Variants in CCDC3 observed in about 807,000 individuals in gnomAD.
CCDC3 encodes coiled-coil domain containing 3, also known as coiled-coil domain-containing protein 3.
Under a neutral mutation model 21.4 loss-of-function variants are expected in CCDC3, and 24 were observed. That is an observed-to-expected ratio of 1.12 (90% CI 0.81 to 1.58). CCDC3 has a LOEUF of 1.58. Ranked by LOEUF, CCDC3 falls within the 40% of genes most tolerant of loss-of-function variation. The pLI is 0.00. For synonymous variants in CCDC3, 186 were observed against 166.0 expected, an observed-to-expected ratio of 1.12 and a Z score of -0.93; for missense variants, 425 against 360.9, an observed-to-expected ratio of 1.18 and a Z score of -1.44.
chr10:12,918,966 A>G (rs901520998), intron 2 of CCDC3, among the ~76,000 whole-genome samples: 2 of 151,638 alleles, frequency 1.3e-5, no homozygotes, highest in Non-Finnish European at 2.9e-5. Context: ...GAGGCAGGAG[A>G]ATGGGCGTGA....
In CCDC3 at chr10:13,050,964, T is replaced by A. The variant is rs112412413; in HGVS notation, c.-269-1023A>T. ...ACCACACCCGGCTAATTTAAAAAAA[T>A]TTTTTTTGTAGAGACCAGGTCTCAC... is the stretch of plus-strand genomic sequence containing the variant. On this transcript the variant is annotated intron_variant, in intron 4 of 6. Transcript: ENST00000378839. Among the ~76,000 whole-genome samples, 913 of 151,810 alleles carry A rather than the reference T, an allele frequency of 6.0e-3. 7 individuals are homozygous for A. The highest frequency in any genetic ancestry group is 0.014 in the African/African-American group (595 of 41,402).
intron 4 of CCDC3, among the ~76,000 whole-genome samples, chr10:13,052,712 G>A (rs7076380): frequency 0.3 from 45,887 of 151,924 alleles, 7,012 homozygotes; most frequent in Middle Eastern, 0.42. Context: ...GGCTGAGGCA[G>A]GCGGATCACT....
chr10:13,007,814 C>A (rs1242100158), intron 5 of CCDC3, among the ~76,000 whole-genome samples: 1 of 152,050 alleles, frequency 6.6e-6, no homozygotes, highest in Non-Finnish European at 1.5e-5. Context: ...TGAGTGAGTT[C>A]TTCTTCTTTC....
At chr10:12,934,055 T>C (rs779340864) in intron 2 of CCDC3, among the ~76,000 whole-genome samples, 7 of 152,228 alleles carry the variant, frequency 4.6e-5, no homozygotes, top group Non-Finnish European at 8.8e-5. Context: ...ATCTTTCTTC[T>C]TTCCTAATAT....
chr10:12,997,723 C>T (rs1355914851), intron 2 of CCDC3, among the ~76,000 whole-genome samples: 3 of 152,190 alleles, frequency 2.0e-5, no homozygotes, highest in Non-Finnish European at 4.4e-5. Context: ...GTCGTAACGG[C>T]TCACATGTAT....
intron 5 of CCDC3, among the ~76,000 whole-genome samples, chr10:13,043,885 T>C (rs908733185): frequency 1.1e-4 from 17 of 152,340 alleles, no homozygotes; most frequent in South Asian, 2.1e-4. Context: ...AATGGGATTG[T>C]TGGGTTGAAT....
intron 2 of CCDC3, among the ~76,000 whole-genome samples, chr10:12,986,496 C>T (rs910774965): frequency 2.0e-4 from 30 of 152,112 alleles, no homozygotes; most frequent in African/African-American, 5.1e-4. Flanking sequence ...CCCTGTAGGC[C>T]GGGCACAGTG....
chr10:13,026,177 C>T (rs777859432), intron 5 of CCDC3, among the ~76,000 whole-genome samples: 29 of 152,146 alleles, frequency 1.9e-4, no homozygotes, highest in Non-Finnish European at 4.1e-4. Flanking sequence ...GAGACTCTGT[C>T]TCAAAAATAA....
At chr10:13,057,446 A>C (rs929347276) in intron 4 of CCDC3, among the ~76,000 whole-genome samples, 2 of 149,280 alleles carry the variant, frequency 1.3e-5, no homozygotes, top group Admixed American at 1.4e-4. Flanking sequence ...CCTCAGGGAC[A>C]GTGTTTCTTC....
At chr10:12,990,289 T>G (rs1444723058) in intron 2 of CCDC3, among the ~76,000 whole-genome samples, 1 of 151,440 alleles carries the variant, frequency 6.6e-6, no homozygotes, top group African/African-American at 2.4e-5. Context: ...AAGAATGTCT[T>G]CACTGAAGCA....
rs763356525 is a variant in CCDC3, at chr10:12,898,379, A to G, written c.*37T>C. The G allele has an allele frequency of 2.6e-6, 4 of 1,540,094 alleles. No homozygotes were observed. Among genetic ancestry groups the G allele is most frequent in the Non-Finnish European group, 2.6e-6 (3 of 1,145,246 alleles). ...ACCTCACTCATTCTCAATTACCGTC[A>G]GGATTGGCCCTGCACACCTGGCAGC... On this transcript the variant is annotated 3_prime_UTR_variant, in exon 3 of 3. Transcript: ENST00000378825.
chr10:12,974,322 T>C (rs948828111), intron 2 of CCDC3, among the ~76,000 whole-genome samples: 4 of 152,154 alleles, frequency 2.6e-5, no homozygotes, highest in African/African-American at 9.7e-5. Flanking sequence ...CAACAGAGCA[T>C]AGGCACGGGG....
chr10:12,921,920 A>C (rs1834457802), intron 2 of CCDC3, among the ~76,000 whole-genome samples: 1 of 152,084 alleles, frequency 6.6e-6, no homozygotes, highest in African/African-American at 2.4e-5. Flanking sequence ...TTTTATGTAG[A>C]GATGGGTCTT....
At chr10:13,003,929 C>A (rs477773), upstream of CCDC3, among the ~76,000 whole-genome samples, 723 of 152,312 alleles carry the variant, frequency 4.7e-3, 9 homozygotes, top group African/African-American at 0.017. Flanking sequence ...ATGCTTTTCT[C>A]CCCTGTAAGA....
intron 2 of CCDC3, among the ~76,000 whole-genome samples, chr10:12,972,612 T>C (rs1835359567): frequency 6.6e-6 from 1 of 151,442 alleles, no homozygotes; most frequent in Non-Finnish European, 1.5e-5. Context: ...AGGTTAGGAG[T>C]TCAAGACCAG....
intron 5 of CCDC3, among the ~76,000 whole-genome samples, chr10:13,047,587 G>A (rs562952488): frequency 6.6e-6 from 1 of 152,086 alleles, no homozygotes; most frequent in Non-Finnish European, 1.5e-5. Flanking sequence ...CTCCCCTCCC[G>A]CCTCCTTCTT....
intron 2 of CCDC3, among the ~76,000 whole-genome samples, chr10:13,098,772 A>T (rs945041682): frequency 4.2e-5 from 5 of 119,124 alleles, no homozygotes; most frequent in South Asian, 2.8e-4. Context: ...GCTGGAGTGC[A>T]GTGGCATGAT....
upstream of CCDC3, among the ~76,000 whole-genome samples, chr10:13,005,427 T>C (rs887146455): frequency 2.2e-4 from 34 of 152,184 alleles, 1 homozygote; most frequent in Non-Finnish European, 2.6e-4. Context: ...TAATGGTAGA[T>C]TGCTGCTGCG....
chr10:12,929,823 C>A (rs1227209706), intron 2 of CCDC3, among the ~76,000 whole-genome samples: 2 of 152,120 alleles, frequency 1.3e-5, no homozygotes, highest in Non-Finnish European at 2.9e-5. Context: ...GGGGGATGAT[C>A]AAACACATGT....
Sources: allele counts gnomAD v4.1 joint callset (sites outside exome capture counted in the v4.1 genomes callset), GRCh38; gene constraint gnomAD v4.1.1; transcripts MANE v1.5; gene names NCBI Gene and HGNC (gene_info 2026-07-23, HGNC 2026-07-21).